Variants in GLIPR2 observed in about 807,000 individuals in gnomAD.
GLIPR2 encodes the protein Golgi-associated plant pathogenesis-related protein 1.
GLIPR2 carries 21 observed loss-of-function variants against 20.4 expected under a neutral mutation model. The observed-to-expected ratio is 1.03, with a 90% confidence interval of 0.73 to 1.48. GLIPR2 has a LOEUF of 1.48. Ranked by LOEUF, GLIPR2 falls within the 40% of genes most tolerant of loss-of-function variation. The pLI is 0.00. For missense variants in GLIPR2, 205 were observed against 200.1 expected, an observed-to-expected ratio of 1.02 and a Z score of -0.15; for synonymous variants, 91 against 80.5, an observed-to-expected ratio of 1.13 and a Z score of -0.70.
At chr9:36,146,655 A>G (rs4879956) in intron 1 of GLIPR2, among the ~76,000 whole-genome samples, 78,020 of 152,162 alleles carry the variant, frequency 0.51, 20,193 homozygotes, top group Non-Finnish European at 0.56. Context: ...AGGGAGAAAT[A>G]GGAAAGAAAG....
chr9:36,153,122 CAA>C (rs755775246), intron 4 of GLIPR2, among the ~76,000 whole-genome samples: 1,393 of 88,440 alleles, frequency 0.016, 23 homozygotes, highest in African/African-American at 0.052. Flanking sequence ...GACTCTGTCT[CAA>C]AAAAAAAAAA....
chr9:36,137,332 C>A (rs1824869206), intron 1 of GLIPR2, among the ~76,000 whole-genome samples: 1 of 152,316 alleles, frequency 6.6e-6, no homozygotes, highest in African/African-American at 2.4e-5. Context: ...GCGCAGCTCT[C>A]CTCCTGTCGC....
chr9:36,136,914 G>A lies in GLIPR2; in HGVS notation c.13+123G>A. ...TGCGGGAGCCCGGGGTGCGGGTGGA[G>A]GGCGCGCGGGCGGAGCGCCCCGGCG... is the stretch of plus-strand genomic sequence containing the variant. On this transcript the variant is annotated intron_variant, in intron 1 of 4. Coordinates refer to ENST00000377960, the MANE Select transcript of GLIPR2 (RefSeq NM_022343.4). The surrounding 1 kb of genome is among the most constrained non-coding windows in gnomAD (Gnocchi z 4.3). The A allele has an allele frequency of 8.9e-7, 1 of 1,129,022 alleles. No homozygotes were observed. The highest frequency in any genetic ancestry group is 1.1e-6 in the Non-Finnish European group (1 of 894,812). The allele number at this position is 1,129,022 out of a possible 1,614,324, so 69.9% of individuals were successfully genotyped here.
At chr9:36,161,623 GCAT>G (rs1313320011) in intron 4 of GLIPR2, among the ~76,000 whole-genome samples, 1 of 152,100 alleles carries the variant, frequency 6.6e-6, no homozygotes, top group Non-Finnish European at 1.5e-5. Flanking sequence ...AGAGACTGTG[GCAT>G]CCTAGAAACC....
chr9:36,152,511 A>T (rs958260609), intron 4 of GLIPR2, among the ~76,000 whole-genome samples: 1 of 152,034 alleles, frequency 6.6e-6, no homozygotes, highest in African/African-American at 2.4e-5. Flanking sequence ...GCACTTTGGG[A>T]GGCCGAGGTG....
chr9:36,141,894 T>G, intron 1 of GLIPR2: 1 of 455,412 alleles, frequency 2.2e-6, no homozygotes, highest in Non-Finnish European at 4.4e-6. Context: ...CAGAAGGAAC[T>G]TCGAGAACCC....
intron 4 of GLIPR2, among the ~76,000 whole-genome samples, chr9:36,157,805 GTTT>G (rs1334242329): frequency 7.1e-6 from 1 of 141,376 alleles, no homozygotes; most frequent in African/African-American, 2.6e-5. Flanking sequence ...GTCTTTGTGG[GTTT>G]TTTTTTTGTT....
At chr9:36,152,876 AG>A (rs1307662283) in intron 4 of GLIPR2, among the ~76,000 whole-genome samples, 1 of 146,808 alleles carries the variant, frequency 6.8e-6, no homozygotes, top group Non-Finnish European at 1.5e-5. Flanking sequence ...TGGGAGGCCA[AG>A]GCAGGCGAAT....
chr9:36,155,870 C>T (rs1825806445), intron 4 of GLIPR2, among the ~76,000 whole-genome samples: 1 of 151,994 alleles, frequency 6.6e-6, no homozygotes, highest in Non-Finnish European at 1.5e-5. Flanking sequence ...TCCAGGAGCT[C>T]CAGACCAGCC....
chr9:36,136,907 G>A lies in GLIPR2; in HGVS notation c.13+116G>A. ...TGGGGAGTGCGGGAGCCCGGGGTGC[G>A]GGTGGAGGGCGCGCGGGCGGAGCGC... On this transcript the variant is annotated intron_variant, in intron 1 of 4. Transcript: ENST00000377960. This position sits in a 1 kb window ranked among gnomAD's most constrained non-coding sequence, Gnocchi z 4.3. 6 of 1,165,856 alleles carry A rather than the reference G, an allele frequency of 5.1e-6. No homozygotes were observed. The highest frequency in any genetic ancestry group is 6.5e-6 in the Non-Finnish European group (6 of 928,290). The allele number at this position is 1,165,856 out of a possible 1,614,324, so 72.2% of individuals were successfully genotyped here.
At chr9:36,137,630 C>T (rs1662958166) in intron 1 of GLIPR2, among the ~76,000 whole-genome samples, 1 of 152,230 alleles carries the variant, frequency 6.6e-6, no homozygotes, top group African/African-American at 2.4e-5. Flanking sequence ...GCAGCCCTTC[C>T]TGTAGTGGGC....
intron 1 of GLIPR2, among the ~76,000 whole-genome samples, chr9:36,139,175 G>A (rs1459909889): frequency 6.6e-6 from 1 of 152,084 alleles, no homozygotes; most frequent in African/African-American, 2.4e-5. Context: ...CTGCACGATG[G>A]GATGATGGCT....
intron 4 of GLIPR2, among the ~76,000 whole-genome samples, chr9:36,159,823 G>A (rs776432825): frequency 2.6e-5 from 4 of 152,090 alleles, no homozygotes; most frequent in South Asian, 2.1e-4. Context: ...ACAATTAGCC[G>A]GGCATAGTGG....
In GLIPR2 at chr9:36,147,914, C is replaced by G. The variant is rs758307254; in HGVS notation, c.122+20C>G. The G allele has an allele frequency of 1.8e-6, 2 of 1,137,488 alleles. No individual in the cohort carries two copies. The highest frequency in any genetic ancestry group is 2.5e-5 in the South Asian group (2 of 81,558). 70.5% of individuals were successfully genotyped at this position (1,137,488 alleles called of 1,614,324 possible). On this transcript the variant is annotated intron_variant, in intron 2 of 4. Coordinates refer to ENST00000377960, the MANE Select transcript of GLIPR2 (RefSeq NM_022343.4). ...TCAACAGTGAGTCCCCTAGCACATC[C>G]GGGTAACTTGGCCCTTCATGTGCTG...
At chr9:36,136,673 A>G, upstream of GLIPR2, 2 of 836,212 alleles carry the variant, frequency 2.4e-6, no homozygotes, top group South Asian at 6.0e-5. The surrounding 1 kb of genome is among the most constrained non-coding windows in gnomAD (Gnocchi z 4.3). Context: ...GCGGCGCCGG[A>G]GGAGGGGCCG....
At chr9:36,139,489 C>T (rs575693486) in intron 1 of GLIPR2, among the ~76,000 whole-genome samples, 13 of 152,282 alleles carry the variant, frequency 8.5e-5, no homozygotes, top group East Asian at 3.9e-4. Context: ...TGGGTGACCC[C>T]GTGCCCAGTG....
intron 1 of GLIPR2, among the ~76,000 whole-genome samples, chr9:36,140,606 G>A (rs970493991): frequency 1.3e-5 from 2 of 152,158 alleles, no homozygotes; most frequent in African/African-American, 4.8e-5. Context: ...ACAGCCTAGG[G>A]GAGGCTGATG....
intron 4 of GLIPR2, among the ~76,000 whole-genome samples, chr9:36,160,548 A>G (rs1245410748): frequency 6.6e-6 from 1 of 152,030 alleles, no homozygotes; most frequent in Non-Finnish European, 1.5e-5. Context: ...GAGAGAAGAA[A>G]AAAGAGAAGA....
chr9:36,152,903 G>C (rs935573910), intron 4 of GLIPR2, among the ~76,000 whole-genome samples: 2 of 127,992 alleles, frequency 1.6e-5, no homozygotes, highest in African/African-American at 6.0e-5. Flanking sequence ...GAGGTCAAGA[G>C]CAAGACAGGC....
Sources: allele counts gnomAD v4.1 joint callset (sites outside exome capture counted in the v4.1 genomes callset), GRCh38; gene constraint gnomAD v4.1.1; non-coding constraint Gnocchi (gnomAD v3.1); transcripts MANE v1.5; gene names NCBI Gene and HGNC (gene_info 2026-07-23, HGNC 2026-07-21).